LAMC2: variants seen among roughly 807,000 people sequenced by gnomAD.
The protein encoded by LAMC2 is laminin subunit gamma 2, also known as laminin subunit gamma-2.
In LAMC2, 97 loss-of-function variants were observed where a neutral mutation model predicts 140.2. The ratio of observed to expected loss-of-function variants is 0.69; its 90% CI spans 0.59 to 0.82. LAMC2 has a LOEUF of 0.82. LAMC2 is among the 40% of genes least tolerant of loss of function. The probability of loss-of-function intolerance (pLI) is 0.00; values close to 1 mark genes in which losing one functional copy is unlikely to be tolerated. For missense variants in LAMC2, 1,402 were observed against 1,476.1 expected, an observed-to-expected ratio of 0.95 and a Z score of 0.82; for synonymous variants, 513 against 540.2, an observed-to-expected ratio of 0.95 and a Z score of 0.70.
chr1:183,191,735 T>C (rs1296367224), intron 1 of LAMC2, among the ~76,000 whole-genome samples: 1 of 152,100 alleles, frequency 6.6e-6, no homozygotes, highest in African/African-American at 2.4e-5. Flanking sequence ...GGCATGTGCC[T>C]ATAATCCCAG....
chr1:183,199,186 C>T (rs2102179491), intron 1 of LAMC2, among the ~76,000 whole-genome samples: 1 of 143,816 alleles, frequency 7.0e-6, no homozygotes, highest in East Asian at 2.3e-4. Context: ...CTCACTGCAA[C>T]CTCCGCCTCC....
Position 183,192,563 on chromosome 1 carries a change from C to G in LAMC2, c.79+6132C>G, listed in dbSNP as rs75782646. Among the ~76,000 whole-genome samples the G allele has an allele frequency of 3.3e-3, 501 of 152,262 alleles. 4 individuals carry two copies. Among genetic ancestry groups the G allele is most frequent in the African/African-American group, 0.012 (483 of 41,558 alleles). ...AACTGCCCAATTTCTTACTGTTGGTCATAGCAGAGCTGGGCTCCAGCATGT... is the reference window on the plus strand; with the variant it reads ...AACTGCCCAATTTCTTACTGTTGGTGATAGCAGAGCTGGGCTCCAGCATGT... On this transcript the variant is annotated intron_variant, in intron 1 of 22. Transcript: ENST00000264144.
downstream of LAMC2, among the ~76,000 whole-genome samples, chr1:183,246,039 G>T (rs189415130): frequency 4.6e-5 from 7 of 152,052 alleles, no homozygotes; most frequent in Non-Finnish European, 1.0e-4. Context: ...GCGTGATGGC[G>T]GGCGCTTGTA....
chr1:183,234,900 C>G (rs984783945), intron 15 of LAMC2, among the ~76,000 whole-genome samples: 3 of 152,162 alleles, frequency 2.0e-5, no homozygotes, highest in Non-Finnish European at 4.4e-5. Flanking sequence ...CCAATGATAA[C>G]ACGCAGCTCC....
In LAMC2 at chr1:183,232,093, G is replaced by C. The variant is rs1659815960; in HGVS notation, c.1858-94G>C. The C allele has an allele frequency of 5.4e-6, 8 of 1,482,930 alleles. No individual in the cohort carries two copies. In the South Asian group the frequency reaches 8.0e-5, roughly 15 times the overall value. 91.9% of individuals were successfully genotyped at this position (1,482,930 alleles called of 1,614,324 possible). ...CACCATGACATGCTAAGCATTTCTGGACTTTTAGTATTATCCCCTGGGTAC... is the reference window on the plus strand; with the variant it reads ...CACCATGACATGCTAAGCATTTCTGCACTTTTAGTATTATCCCCTGGGTAC... On this transcript the variant is annotated intron_variant, in intron 12 of 22. Transcript: ENST00000264144.
At chr1:183,237,626 C>G (rs986431852) in intron 18 of LAMC2, 122 bp downstream of exon 18, 2 of 1,045,776 alleles carry the variant, frequency 1.9e-6, no homozygotes, top group African/African-American at 3.2e-5. Flanking sequence ...TCCCTGTAAT[C>G]CCCGCACTTT....
downstream of LAMC2, among the ~76,000 whole-genome samples, chr1:183,245,953 A>G (rs1302353879): frequency 2.0e-5 from 3 of 152,204 alleles, no homozygotes; most frequent in Admixed American, 6.5e-5. Flanking sequence ...GCGGATCACG[A>G]GGTCAAGAGA....
In LAMC2 at chr1:183,207,776, A is replaced by G. The variant is rs548746793; in HGVS notation, c.80-105A>G. On this transcript the variant is annotated intron_variant, in intron 1 of 22. Transcript: ENST00000264144. Reference sequence around the variant, plus strand: ...CAAGGAGTGTAGGTTACCATATAGTACTCATGCATAATTTCTATCAATAAT... The same window carrying G: ...CAAGGAGTGTAGGTTACCATATAGTGCTCATGCATAATTTCTATCAATAAT... 121 of 969,638 alleles carry G rather than the reference A, an allele frequency of 1.2e-4. 1 individual carries two copies. In the Middle Eastern group the frequency reaches 2.8e-3, roughly 23 times the overall value. 60.1% of individuals were successfully genotyped at this position (969,638 alleles called of 1,614,324 possible).
chr1:183,252,786 A>C, the LAMC2 span: 3 of 1,450,056 alleles, frequency 2.1e-6, no homozygotes, highest in Non-Finnish European at 2.9e-6. Flanking sequence ...TCCACACCCA[A>C]AGCAAGTCAG....
In LAMC2 at chr1:183,231,081, G is replaced by A. The variant is rs911481320; in HGVS notation, c.1835G>A (p.Cys612Tyr). Residue 612 changes from cysteine to tyrosine, a missense_variant, in exon 12 of 23, where the codon TGC becomes TAC. Cys to Tyr is a radical substitution (Grantham distance 194). Coordinates refer to ENST00000264144, the MANE Select transcript of LAMC2 (RefSeq NM_005562.3). ...CEHGAFSCPA[C>Y]YNQVKIQMDQ... is the part of the protein sequence containing the mutation. ...CATGGAGCATTCAGCTGTCCAGCTT[G>A]CTATAATCAAGTGAAGATTCAGGTA... 2 of 1,614,020 alleles carry A rather than the reference G, an allele frequency of 1.2e-6. No individual in the cohort carries two copies. Among genetic ancestry groups the A allele is most frequent in the East Asian group, 2.2e-5 (1 of 44,898 alleles).
chr1:183,207,836 T>TTG (rs1491414553), intron 1 of LAMC2, 45 bp from the exon 2 acceptor site: 36 of 630,230 alleles, frequency 5.7e-5, no homozygotes, highest in South Asian at 2.5e-4. Context: ...TCCTGAGGTG[T>TTG]TTTTTTTTTT....
intron 18 of LAMC2, among the ~76,000 whole-genome samples, chr1:183,237,935 A>G (rs1018196807): frequency 5.3e-5 from 8 of 152,152 alleles, no homozygotes; most frequent in East Asian, 1.9e-4. Context: ...TAACAGTTGC[A>G]GAGATCTTGG....
At chr1:183,247,065 C>T (rs1234107793), downstream of LAMC2, among the ~76,000 whole-genome samples, 1 of 152,178 alleles carries the variant, frequency 6.6e-6, no homozygotes, top group African/African-American at 2.4e-5. Flanking sequence ...AATCCCAGCA[C>T]TTTGGGAGGC....
chr1:183,206,319 G>A (rs1239157980), intron 1 of LAMC2, among the ~76,000 whole-genome samples: 1 of 152,148 alleles, frequency 6.6e-6, no homozygotes, highest in Non-Finnish European at 1.5e-5. Flanking sequence ...AGAAATTACT[G>A]TAAGGCAGTC....
At chr1:183,198,423 G>A (rs529378247) in intron 1 of LAMC2, among the ~76,000 whole-genome samples, 12 of 152,192 alleles carry the variant, frequency 7.9e-5, no homozygotes, top group African/African-American at 2.2e-4. Flanking sequence ...GATTATAGGC[G>A]TGAGCCACCG....
At chr1:183,230,570 T>TGG (rs1659767602) in intron 11 of LAMC2, among the ~76,000 whole-genome samples, 1 of 152,252 alleles carries the variant, frequency 6.6e-6, no homozygotes. Context: ...ACTTGCCATG[T>TGG]AACCTCAGGC....
rs1187993541 is a variant in LAMC2, at chr1:183,215,453, G to C, written c.269G>C (p.Gly90Ala). Residue 90 changes from glycine (G) to alanine (A), a missense_variant and splice_region_variant, in exon 3 of 23, where the codon GGT (glycine) becomes GCT (alanine). By Grantham distance (60) the Gly-to-Ala change is moderately conservative (BLOSUM62 0). Around this residue, in one of 3 missense-constraint regions of LAMC2, gnomAD observed 723 missense variants for 783.3 expected, o/e 0.92. Transcript: ENST00000264144. ...RCLPCNCNSK[G>A]SLSARCDNSG... Reference sequence around the variant, plus strand: ...CTTTCCCCTACCTTGTGGGTTTCAGGTTCTCTTAGTGCTCGATGTGACAAC... The same window carrying C: ...CTTTCCCCTACCTTGTGGGTTTCAGCTTCTCTTAGTGCTCGATGTGACAAC... 1.9e-6 allele frequency: 3 copies of C among 1,613,832 alleles called. No individual in the cohort carries two copies. Among genetic ancestry groups the C allele is most frequent in the Non-Finnish European group, 1.7e-6 (2 of 1,179,990 alleles).
chr1:183,215,394 C>A, intron 2 of LAMC2, 59 bp from the exon 3 acceptor site: 1 of 1,597,356 alleles, frequency 6.3e-7, no homozygotes, highest in South Asian at 1.1e-5. Flanking sequence ...GCTTCCAATG[C>A]CGCATACATT....
At chr1:183,247,933 C>T (rs1333178089), downstream of LAMC2, among the ~76,000 whole-genome samples, 8 of 152,190 alleles carry the variant, frequency 5.3e-5, no homozygotes, top group Non-Finnish European at 1.0e-4. Flanking sequence ...ATACTAATTT[C>T]ATTGAGGAGC....
Sources: allele counts gnomAD v4.1 joint callset (sites outside exome capture counted in the v4.1 genomes callset), GRCh38; gene constraint gnomAD v4.1.1; regional missense constraint gnomAD v4.1.1; transcripts MANE v1.5; gene names NCBI Gene and HGNC (gene_info 2026-07-23, HGNC 2026-07-21).